Variants in TSPAN5 observed in about 807,000 individuals in gnomAD.
The protein encoded by TSPAN5 is tetraspanin-5.
A neutral mutation model predicts 37.1 loss-of-function variants in TSPAN5; 10 were observed. The ratio of observed to expected loss-of-function variants is 0.27; its 90% confidence interval spans 0.17 to 0.46. The LOEUF (loss-of-function observed/expected upper bound fraction) is 0.46, where lower values mean the gene tolerates loss of function less well. Ranked by LOEUF, TSPAN5 falls within the 20% of genes least tolerant of loss-of-function variation. The pLI is 1.00. For synonymous variants in TSPAN5, 110 were observed against 118.9 expected, an observed-to-expected ratio of 0.93 and a Z score of 0.48; for missense variants, 195 against 326.6, an observed-to-expected ratio of 0.60 and a Z score of 3.11.
At chr4:98,480,618 T>G (rs1295391519) in intron 4 of TSPAN5, among the ~76,000 whole-genome samples, 1 of 152,172 alleles carries the variant, frequency 6.6e-6, no homozygotes, top group African/African-American at 2.4e-5. Flanking sequence ...GAAAATCACA[T>G]GAAACTGTAG....
At chr4:98,501,834 G>A (rs891976832) in intron 2 of TSPAN5, among the ~76,000 whole-genome samples, 4 of 152,188 alleles carry the variant, frequency 2.6e-5, no homozygotes, top group Non-Finnish European at 5.9e-5. Context: ...AAAAGGATCT[G>A]TCTTACATTT....
chr4:98,576,389 C>G (rs1428836577), intron 1 of TSPAN5, among the ~76,000 whole-genome samples: 1 of 152,050 alleles, frequency 6.6e-6, no homozygotes, highest in Non-Finnish European at 1.5e-5. Context: ...GTATATCAAC[C>G]AAATTAGATT....
chr4:98,551,381 A>C (rs1399856156), intron 1 of TSPAN5, among the ~76,000 whole-genome samples: 1 of 147,128 alleles, frequency 6.8e-6, no homozygotes, highest in Non-Finnish European at 1.5e-5. Flanking sequence ...TCAGGGTTAT[A>C]ACTAGCCTTG....
At chr4:98,629,349 G>A (rs1210599516) in intron 1 of TSPAN5, among the ~76,000 whole-genome samples, 4 of 152,152 alleles carry the variant, frequency 2.6e-5, no homozygotes, top group African/African-American at 9.7e-5. Flanking sequence ...AAAAATAATA[G>A]TGCAGACATC....
At chr4:98,649,081 T>G (rs1041233086) in intron 1 of TSPAN5, among the ~76,000 whole-genome samples, 1 of 152,210 alleles carries the variant, frequency 6.6e-6, no homozygotes, top group South Asian at 2.1e-4. Flanking sequence ...GAGGAGTAAT[T>G]TTTTTAAAAA....
intron 1 of TSPAN5, among the ~76,000 whole-genome samples, chr4:98,589,086 C>T (rs953734507): frequency 1.3e-5 from 2 of 152,122 alleles, no homozygotes; most frequent in African/African-American, 4.8e-5. Flanking sequence ...ATCCCTAATC[C>T]AGGGCTCCTG....
intron 1 of TSPAN5, among the ~76,000 whole-genome samples, chr4:98,555,975 G>GCA (rs1754734734): frequency 1.7e-5 from 2 of 119,386 alleles, no homozygotes; most frequent in Non-Finnish European, 3.3e-5. Flanking sequence ...ACACACGCGC[G>GCA]CGCACACACA....
chr4:98,557,353 C>T (rs576077388), intron 1 of TSPAN5, among the ~76,000 whole-genome samples: 11 of 152,200 alleles, frequency 7.2e-5, no homozygotes, highest in Middle Eastern at 3.4e-3. Flanking sequence ...GCACTTCTGG[C>T]GTGCTACTAA....
intron 1 of TSPAN5, among the ~76,000 whole-genome samples, chr4:98,508,071 G>T (rs1018294397): frequency 6.6e-6 from 1 of 152,160 alleles, no homozygotes; most frequent in African/African-American, 2.4e-5. Context: ...GAGGCCTGTG[G>T]TCACTAGAAA....
rs1128478 is a variant in TSPAN5, at chr4:98,658,328, C to T, written c.-102G>A. ...GCGGGGAGCAGGAGCTCAGGGACAC[C>T]GCACGGGGCCGCGGCGCTGGCGGCC... On this transcript the variant is annotated 5_prime_UTR_variant, in exon 1 of 8. Transcript: ENST00000305798. The T allele has an allele frequency of 0.063, 59,750 of 948,282 alleles. 3,031 individuals carry two copies. The highest frequency in any genetic ancestry group is 0.2 in the African/African-American group (12,426 of 60,844). The allele number at this position is 948,282 out of a possible 1,614,324, so 58.7% of individuals were successfully genotyped here.
chr4:98,599,306 A>G (rs567998052), intron 1 of TSPAN5, among the ~76,000 whole-genome samples: 6 of 152,234 alleles, frequency 3.9e-5, no homozygotes, highest in African/African-American at 1.4e-4. Context: ...ATGCCCAGCA[A>G]AAGTCATTTT....
intron 1 of TSPAN5, among the ~76,000 whole-genome samples, chr4:98,592,403 C>T (rs1395905088): frequency 6.8e-6 from 1 of 147,426 alleles, no homozygotes; most frequent in East Asian, 2.0e-4. Context: ...GCCTGGTTTA[C>T]CTAACTAAGG....
At chr4:98,656,979 T>C (rs1439278821) in intron 1 of TSPAN5, among the ~76,000 whole-genome samples, 1 of 152,150 alleles carries the variant, frequency 6.6e-6, no homozygotes, top group East Asian at 1.9e-4. Context: ...GATCCTGCAG[T>C]TGGAGCATTG....
chr4:98,534,312 G>A (rs572177958), intron 1 of TSPAN5, among the ~76,000 whole-genome samples: 1 of 152,286 alleles, frequency 6.6e-6, no homozygotes, highest in South Asian at 2.1e-4. Context: ...CAGTTTCCAT[G>A]TAGTTGTGTG....
At chr4:98,552,766 AC>A (rs1754653037) in intron 1 of TSPAN5, among the ~76,000 whole-genome samples, 1 of 152,218 alleles carries the variant, frequency 6.6e-6, no homozygotes. Context: ...ACATGAGGAT[AC>A]CCTAAGAATG....
intron 1 of TSPAN5, chr4:98,574,728 T>C (rs1260758178): frequency 6.6e-6 from 1 of 152,218 alleles, no homozygotes; most frequent in Non-Finnish European, 1.5e-5. Flanking sequence ...TTATTCAGGG[T>C]AGCTATGACT....
At chr4:98,528,591 C>A (rs958846744) in intron 1 of TSPAN5, among the ~76,000 whole-genome samples, 1 of 152,040 alleles carries the variant, frequency 6.6e-6, no homozygotes, top group Non-Finnish European at 1.5e-5. Flanking sequence ...GATGATTAGA[C>A]CTCATACTTA....
chr4:98,493,672 T>C (rs1406633939), intron 2 of TSPAN5, among the ~76,000 whole-genome samples: 1 of 152,172 alleles, frequency 6.6e-6, no homozygotes, highest in African/African-American at 2.4e-5. Flanking sequence ...TAAGAACTGA[T>C]ATAAATGAAT....
intron 1 of TSPAN5, among the ~76,000 whole-genome samples, chr4:98,633,447 C>T (rs773779861): frequency 2.6e-5 from 4 of 152,128 alleles, no homozygotes; most frequent in Non-Finnish European, 5.9e-5. Context: ...GTTATGAGTC[C>T]TGAGTGATAC....
Sources: allele counts gnomAD v4.1 joint callset (sites outside exome capture counted in the v4.1 genomes callset), GRCh38; gene constraint gnomAD v4.1.1; transcripts MANE v1.5; gene names NCBI Gene and HGNC (gene_info 2026-07-23, HGNC 2026-07-21).